GRIP1: variants seen among roughly 807,000 people sequenced by gnomAD.
GRIP1 encodes glutamate receptor-interacting protein 1.
In GRIP1, 45 loss-of-function variants were observed where a neutral mutation model predicts 129.9. That is an observed-to-expected ratio of 0.35 (90% CI 0.27 to 0.44). The LOEUF (loss-of-function observed/expected upper bound fraction) is 0.44. Ranked by LOEUF, GRIP1 falls within the 20% of genes least tolerant of loss-of-function variation. The probability of loss-of-function intolerance (pLI) is 1.00; values close to 1 mark genes in which losing one functional copy is unlikely to be tolerated. For missense variants in GRIP1, 1,196 were observed against 1,396.8 expected (o/e 0.86, Z 2.29); for synonymous variants, 530 against 520.8 (o/e 1.02, Z -0.24).
chr12:66,968,350 T>G (rs2042025928), intron 1 of GRIP1, among the ~76,000 whole-genome samples: 1 of 151,788 alleles, frequency 6.6e-6, no homozygotes, highest in Non-Finnish European at 1.5e-5. Flanking sequence ...AAAGTGGGCT[T>G]CTTGTAGACA....
chr12:66,555,115 T>C (rs1480824229), intron 2 of GRIP1, among the ~76,000 whole-genome samples: 2 of 152,134 alleles, frequency 1.3e-5, no homozygotes, highest in African/African-American at 4.8e-5. Flanking sequence ...CTGTGCTGGC[T>C]TCAGGTCTGA....
At chr12:66,452,866 CA>C (rs1280663516) in intron 11 of GRIP1, among the ~76,000 whole-genome samples, 3 of 151,826 alleles carry the variant, frequency 2.0e-5, no homozygotes, top group Non-Finnish European at 2.9e-5. Context: ...TTAAAAAAAA[CA>C]AAAAAACCTT....
chr12:66,525,158 G>C (rs985776155), intron 5 of GRIP1, among the ~76,000 whole-genome samples: 4 of 152,160 alleles, frequency 2.6e-5, no homozygotes, highest in Non-Finnish European at 5.9e-5. Context: ...GAAAAAGAGG[G>C]AATCCTCCCT....
intron 1 of GRIP1, among the ~76,000 whole-genome samples, chr12:66,973,217 T>C (rs1242413010): frequency 1.3e-5 from 2 of 152,084 alleles, no homozygotes; most frequent in Non-Finnish European, 2.9e-5. Context: ...GTAGAACCAT[T>C]GTTGAAAAGT....
intron 1 of GRIP1, among the ~76,000 whole-genome samples, chr12:66,718,520 G>C (rs2035961610): frequency 6.6e-6 from 1 of 152,144 alleles, no homozygotes; most frequent in Non-Finnish European, 1.5e-5. Context: ...GATAACCAAA[G>C]GTAAGCAGAT....
At chr12:66,587,536 G>A (rs1010019316) in intron 2 of GRIP1, among the ~76,000 whole-genome samples, 1 of 152,346 alleles carries the variant, frequency 6.6e-6, no homozygotes, top group Middle Eastern at 3.4e-3. Flanking sequence ...GAGGCTAATA[G>A]GCTGGATTCA....
chr12:66,553,112 GA>G (rs1430068090), intron 2 of GRIP1, among the ~76,000 whole-genome samples: 6 of 152,148 alleles, frequency 3.9e-5, no homozygotes, highest in Non-Finnish European at 7.4e-5. Flanking sequence ...CTCTACATGG[GA>G]AACCATTTTC....
chr12:66,957,183 A>G (rs890863518), intron 1 of GRIP1, among the ~76,000 whole-genome samples: 1 of 152,154 alleles, frequency 6.6e-6, no homozygotes, highest in Non-Finnish European at 1.5e-5. Context: ...AAAAGAGGAT[A>G]TCAATACAGA....
intron 1 of GRIP1, among the ~76,000 whole-genome samples, chr12:66,613,706 C>T (rs2064914639): frequency 6.6e-6 from 1 of 152,120 alleles, no homozygotes; most frequent in Admixed American, 6.6e-5. Flanking sequence ...CATCTCCCAG[C>T]TAGGAAGAGA....
chr12:66,966,935 C>T (rs1040735263), intron 1 of GRIP1, among the ~76,000 whole-genome samples: 2 of 152,154 alleles, frequency 1.3e-5, no homozygotes. Context: ...TTACCACTTT[C>T]TTGAGAGTGA....
In GRIP1 at chr12:66,539,062, G is replaced by T; in HGVS notation, c.418+16C>A. 1 of 1,610,242 alleles carries T rather than the reference G, an allele frequency of 6.2e-7. No homozygotes were observed. On this transcript the variant is annotated intron_variant, in intron 4 of 24. Transcript: ENST00000359742. ...GGAATGTATCCCCTATGGATAAGGGGGGCTACTGTACTTACAGACCGGTGG... is the reference window on the plus strand; with the variant it reads ...GGAATGTATCCCCTATGGATAAGGGTGGCTACTGTACTTACAGACCGGTGG...
At chr12:66,749,748 C>T (rs1592806431) in intron 1 of GRIP1, among the ~76,000 whole-genome samples, 1 of 152,084 alleles carries the variant, frequency 6.6e-6, no homozygotes, top group Admixed American at 6.6e-5. Flanking sequence ...ACCCTTTTAC[C>T]CATCCTGCTG....
chr12:66,446,616 T>C (rs1045285078), intron 11 of GRIP1, among the ~76,000 whole-genome samples: 11 of 152,218 alleles, frequency 7.2e-5, no homozygotes, highest in Admixed American at 7.2e-4. Context: ...GCCCATAATC[T>C]ACTTTTTCAA....
chr12:66,721,933 T>TAACTCTCTCAGCTTTCAC (rs1365943547), intron 1 of GRIP1, among the ~76,000 whole-genome samples: 2 of 152,228 alleles, frequency 1.3e-5, no homozygotes, highest in Non-Finnish European at 2.9e-5. Flanking sequence ...GCAGCTTTCT[T>TAACTCTCTCAGCTTTCAC]ACCTCTCTCA....
intron 1 of GRIP1, among the ~76,000 whole-genome samples, chr12:66,753,273 C>T (rs540661954): frequency 6.6e-6 from 1 of 152,294 alleles, no homozygotes; most frequent in South Asian, 2.1e-4. Flanking sequence ...TCCAACCTCT[C>T]TTGTACTTAG....
chr12:66,714,645 A>G (rs1027023958), intron 1 of GRIP1, among the ~76,000 whole-genome samples: 3 of 152,068 alleles, frequency 2.0e-5, no homozygotes, highest in Non-Finnish European at 4.4e-5. Flanking sequence ...ACAATTTACA[A>G]TGAACATTAC....
chr12:66,552,108 G>C (rs186377424), intron 2 of GRIP1, among the ~76,000 whole-genome samples: 1 of 152,254 alleles, frequency 6.6e-6, no homozygotes, highest in East Asian at 1.9e-4. Context: ...TGCTGAGTTA[G>C]GTCGCTTAGT....
chr12:67,047,463 TC>T (rs1565654637), intron 1 of GRIP1, among the ~76,000 whole-genome samples: 2 of 152,266 alleles, frequency 1.3e-5, no homozygotes, highest in East Asian at 3.9e-4. Flanking sequence ...AATTTAACAT[TC>T]CCCTTTTTAT....
chr12:66,864,465 C>T (rs1027877132), intron 1 of GRIP1, among the ~76,000 whole-genome samples: 1 of 152,002 alleles, frequency 6.6e-6, no homozygotes, highest in Non-Finnish European at 1.5e-5. Flanking sequence ...CCTGGAATCC[C>T]AACACTTCAG....
Sources: allele counts gnomAD v4.1 joint callset (sites outside exome capture counted in the v4.1 genomes callset), GRCh38; gene constraint gnomAD v4.1.1; transcripts MANE v1.5; gene names NCBI Gene and HGNC (gene_info 2026-07-23, HGNC 2026-07-21).